Variants in CXXC5 observed in about 807,000 individuals in gnomAD.
CXXC5 encodes CXXC finger protein 5.
A neutral mutation model predicts 17.6 loss-of-function variants in CXXC5; 2 were observed. That is an observed-to-expected ratio of 0.11 (90% CI 0.05 to 0.36). CXXC5 has a LOEUF of 0.36. CXXC5 is among the 10% of genes least tolerant of loss of function. CXXC5 has a pLI of 1.00. For missense variants in CXXC5, 343 were observed against 458.3 expected (o/e 0.75, Z 2.30); for synonymous variants, 171 against 193.0 (o/e 0.89, Z 0.94).
chr5:139,669,120 C>T (rs1419337769), intron 1 of CXXC5, among the ~76,000 whole-genome samples: 1 of 152,176 alleles, frequency 6.6e-6, no homozygotes, highest in African/African-American at 2.4e-5. Flanking sequence ...TTTGCTGAAA[C>T]CAAATTTCTG....
Position 139,668,623 on chromosome 5 carries a change from C to T in CXXC5, c.-160-11741C>T, listed in dbSNP as rs1756266471. On this transcript the variant is annotated intron_variant, in intron 1 of 2. Transcript: ENST00000302517. This position sits in a 1 kb window ranked among gnomAD's most constrained non-coding sequence, Gnocchi z 4.1. ...TGGCTTAACCCAGACGAGCCCAGGA[C>T]GCCCTATCCCTGAACCCCATCGTGG... Among the ~76,000 whole-genome samples the T allele has an allele frequency of 6.6e-6, 1 of 152,152 alleles. No homozygotes were observed. The highest frequency in any genetic ancestry group is 1.5e-5 in the Non-Finnish European group (1 of 68,008).
chr5:139,679,369 G>A (rs1194401322), intron 1 of CXXC5, among the ~76,000 whole-genome samples: 1 of 152,228 alleles, frequency 6.6e-6, no homozygotes, highest in East Asian at 1.9e-4. Context: ...GCACAAGCAT[G>A]TCCTCTCACT....
chr5:139,673,571 G>A (rs1756599638), intron 1 of CXXC5, among the ~76,000 whole-genome samples: 1 of 152,192 alleles, frequency 6.6e-6, no homozygotes, highest in Non-Finnish European at 1.5e-5. Context: ...GCTGGGTGCG[G>A]TGGCTCACGC....
At position 139,648,823 on chromosome 5, in the gene CXXC5, G is replaced by T. The variant is rs1411584285; in HGVS notation, c.-183G>T. 1.3e-5 allele frequency: 2 copies of T among 152,854 alleles called. No individual in the cohort carries two copies. The highest frequency in any genetic ancestry group is 1.3e-4 in the Admixed American group (2 of 15,278). The allele number at this position is 152,854 out of a possible 1,614,324, so 9.5% of individuals were successfully genotyped here. A position where few individuals can be genotyped will look rare whatever the true frequency, so the allele number is the denominator to read the frequency against. On this transcript the variant is annotated 5_prime_UTR_variant, in exon 1 of 3. Transcript: ENST00000302517. ...GCCTCGCGGCGACGGCGGCGGTGGC[G>T]GCTTGGACGACTCGGAGAGCCGGTA...
intron 1 of CXXC5, among the ~76,000 whole-genome samples, chr5:139,659,065 G>C (rs532951572): frequency 6.6e-6 from 1 of 152,190 alleles, no homozygotes; most frequent in African/African-American, 2.4e-5. Context: ...TGGGGGATGC[G>C]TGGCTCTCTG....
In CXXC5 at chr5:139,652,185, T is replaced by TGC. The variant is rs1755249360; in HGVS notation, c.-161+3341_-161+3342insCG. ...GCGCGCGCGCGCGTGTGTGTGTGTGTGTGTGTGTGTGGCTGTGTATGTGTG... is the reference window on the plus strand; with the variant it reads ...GCGCGCGCGCGCGTGTGTGTGTGTGTGCGTGTGTGTGTGGCTGTGTATGTGTG... On this transcript the variant is annotated intron_variant, in intron 1 of 2. Coordinates refer to ENST00000302517, the MANE Select transcript of CXXC5 (RefSeq NM_016463.9). Among the ~76,000 whole-genome samples, 4 of 150,882 alleles carry TGC rather than the reference T, an allele frequency of 2.7e-5. No individual in the cohort carries two copies. In the South Asian group the frequency reaches 8.5e-4, roughly 32 times the overall value.
chr5:139,664,125 C>T (rs187304220), intron 1 of CXXC5, among the ~76,000 whole-genome samples: 8 of 152,302 alleles, frequency 5.3e-5, no homozygotes, highest in Admixed American at 5.2e-4. Flanking sequence ...TCTCAAGGCA[C>T]TTTCCAGGTT....
At chr5:139,674,579 G>A (rs929188957) in intron 1 of CXXC5, among the ~76,000 whole-genome samples, 1 of 152,230 alleles carries the variant, frequency 6.6e-6, no homozygotes, top group South Asian at 2.1e-4. Context: ...GGCGGGGATG[G>A]TGCCTTGGTC....
intron 1 of CXXC5, among the ~76,000 whole-genome samples, chr5:139,660,569 G>T (rs1456160841): frequency 6.6e-6 from 1 of 152,198 alleles, no homozygotes; most frequent in Admixed American, 6.5e-5. Flanking sequence ...GCACCCATTA[G>T]GTAGGGTAGG....
rs144723858 is a variant in CXXC5, at chr5:139,683,065, T to C, written c.*158T>C. On this transcript the variant is annotated 3_prime_UTR_variant, in exon 3 of 3. Coordinates refer to ENST00000302517, the MANE Select transcript of CXXC5 (RefSeq NM_016463.9). ...CTGTTTTTATATATATATTTTTTGTTGTCGTTTTAACATCTCCACGTCCCT... is the reference window on the plus strand; with the variant it reads ...CTGTTTTTATATATATATTTTTTGTCGTCGTTTTAACATCTCCACGTCCCT... The C allele has an allele frequency of 1.4e-5, 8 of 583,508 alleles. No individual in the cohort carries two copies. In the Admixed American group the frequency reaches 3.0e-4, roughly 22 times the overall value. The allele number at this position is 583,508 out of a possible 1,614,324, so 36.1% of individuals were successfully genotyped here. A position where few individuals can be genotyped will look rare whatever the true frequency, so the allele number is the denominator to read the frequency against.
intron 1 of CXXC5, among the ~76,000 whole-genome samples, chr5:139,667,278 T>C (rs918628750): frequency 2.0e-5 from 3 of 152,216 alleles, no homozygotes; most frequent in African/African-American, 7.2e-5. Flanking sequence ...CAAGAAGCCC[T>C]CTGGGTACTG....
At chr5:139,656,735 GT>G (rs1755515972) in intron 1 of CXXC5, among the ~76,000 whole-genome samples, 1 of 152,010 alleles carries the variant, frequency 6.6e-6, no homozygotes, top group African/African-American at 2.4e-5. Context: ...TTTTGTTTTT[GT>G]TTTTTTGAGA....
chr5:139,680,344 C>T lies in CXXC5; in HGVS notation c.-160-20C>T. ...GGGAGGTGTTCACTGCTGCCCTGAC[C>T]CTGTATCCTCTTGTGACAGAGTGAA... On this transcript the variant is annotated intron_variant, in intron 1 of 2. Coordinates refer to ENST00000302517, the MANE Select transcript of CXXC5 (RefSeq NM_016463.9). 1 of 858,992 alleles carries T rather than the reference C, an allele frequency of 1.2e-6. No homozygotes were observed. The highest frequency in any genetic ancestry group is 1.8e-5 in the South Asian group (1 of 55,304). The allele number at this position is 858,992 out of a possible 1,614,324, so 53.2% of individuals were successfully genotyped here. A position where few individuals can be genotyped will look rare whatever the true frequency, so the allele number is the denominator to read the frequency against.
intron 1 of CXXC5, among the ~76,000 whole-genome samples, chr5:139,671,237 T>C (rs1756449998): frequency 6.6e-6 from 1 of 152,174 alleles, no homozygotes; most frequent in South Asian, 2.1e-4. Context: ...TGGTGGCTGC[T>C]GGCAGAGGCA....
At chr5:139,671,896 T>A (rs1044618756) in intron 1 of CXXC5, among the ~76,000 whole-genome samples, 15 of 152,210 alleles carry the variant, frequency 9.9e-5, no homozygotes, top group African/African-American at 3.6e-4. Context: ...CACACAGACC[T>A]GGGTTTAAAT....
At chr5:139,669,148 A>G (rs1183286470) in intron 1 of CXXC5, among the ~76,000 whole-genome samples, 1 of 152,018 alleles carries the variant, frequency 6.6e-6, no homozygotes, top group African/African-American at 2.4e-5. Flanking sequence ...GTTTTTCCAT[A>G]ATTATATTAG....
At chr5:139,659,758 TCCCAGGTCCTTTAGGC>T (rs1229876556) in intron 1 of CXXC5, 2 of 152,156 alleles carry the variant, frequency 1.3e-5, no homozygotes, top group African/African-American at 4.8e-5. Flanking sequence ...CTCAGTGGCC[TCCCAGGTCCTTTAGGC>T]CCCGGGGCCT....
chr5:139,682,581 C>T (rs1249631188), intron 2 of CXXC5, among the ~76,000 whole-genome samples: 2 of 152,196 alleles, frequency 1.3e-5, no homozygotes, highest in Non-Finnish European at 2.9e-5. Context: ...AGCCACCTGG[C>T]GCTGTTGCCT....
chr5:139,669,572 G>A (rs1384412308), intron 1 of CXXC5, among the ~76,000 whole-genome samples: 1 of 152,078 alleles, frequency 6.6e-6, no homozygotes, highest in Non-Finnish European at 1.5e-5. Flanking sequence ...AATGAGTTTG[G>A]GGAGTGATCG....
Sources: gnomAD v4.1 joint callset for allele counts (sites outside exome capture counted in the v4.1 genomes callset) on GRCh38, gnomAD v4.1.1 for gene constraint, Gnocchi (gnomAD v3.1) non-coding constraint, MANE v1.5 for transcripts, NCBI Gene and HGNC (gene_info 2026-07-23, HGNC 2026-07-21) for gene names.